DRC11: variants seen among roughly 807,000 people sequenced by gnomAD.
The protein encoded by DRC11 is IQ and AAA domain-containing protein 1.
chr2:236,463,578 A>G, the DRC11 span, among the ~76,000 whole-genome samples: 1 of 152,214 alleles, frequency 6.6e-6, no homozygotes, highest in Admixed American at 6.5e-5. The surrounding 1 kb of genome is among the most constrained non-coding windows in gnomAD (Gnocchi z 5.0). Flanking sequence ...TTCGTAAAGA[A>G]ACTTTGATAT....
At chr2:236,465,512 C>A in the DRC11 span, 1 of 1,612,582 alleles carries the variant, frequency 6.2e-7, no homozygotes. This position sits in a 1 kb window ranked among gnomAD's most constrained non-coding sequence, Gnocchi z 6.2. Context: ...CACCTGCATT[C>A]GATGAACCAA....
chr2:236,380,014 T>G, the DRC11 span, among the ~76,000 whole-genome samples: 1 of 152,412 alleles, frequency 6.6e-6, no homozygotes, highest in East Asian at 1.9e-4. This position sits in a 1 kb window ranked among gnomAD's most constrained non-coding sequence, Gnocchi z 4.9. Context: ...ATTAAATTCC[T>G]TGATAATATT....
chr2:236,451,508 C>A, the DRC11 span, among the ~76,000 whole-genome samples: 1 of 152,250 alleles, frequency 6.6e-6, no homozygotes, highest in African/African-American at 2.4e-5. Flanking sequence ...ACATAAAAAT[C>A]TCTGTCTTAA....
chr2:236,456,898 G>A, the DRC11 span, among the ~76,000 whole-genome samples: 1 of 152,190 alleles, frequency 6.6e-6, no homozygotes, highest in Non-Finnish European at 1.5e-5. This position sits in a 1 kb window ranked among gnomAD's most constrained non-coding sequence, Gnocchi z 5.4. Context: ...AGGGTCCAGA[G>A]ATGACAGCCA....
the DRC11 span, chr2:236,364,018 A>G: frequency 6.4e-7 from 1 of 1,561,312 alleles, no homozygotes; most frequent in Non-Finnish European, 8.8e-7. Context: ...TGTTCTGCCA[A>G]GAAAATCAGT....
the DRC11 span, among the ~76,000 whole-genome samples, chr2:236,323,459 C>T: frequency 9.8e-5 from 15 of 152,306 alleles, no homozygotes; most frequent in South Asian, 2.5e-3. The surrounding 1 kb of genome is among the most constrained non-coding windows in gnomAD (Gnocchi z 6.4). Context: ...AGGATGACTT[C>T]GTGGGGAGTG....
chr2:236,383,168 T>C, the DRC11 span, among the ~76,000 whole-genome samples: 4 of 152,188 alleles, frequency 2.6e-5, no homozygotes, highest in Non-Finnish European at 2.9e-5. Flanking sequence ...TTCTTCTAGA[T>C]TTGGTCTTGG....
At chr2:236,408,292 C>G in the DRC11 span, 1 of 826,468 alleles carries the variant, frequency 1.2e-6, no homozygotes, top group Non-Finnish European at 2.1e-6. This position sits in a 1 kb window ranked among gnomAD's most constrained non-coding sequence, Gnocchi z 5.5. Flanking sequence ...GAAGGCCACA[C>G]AGGCAGGATG....
chr2:236,354,626 A>C, the DRC11 span, among the ~76,000 whole-genome samples: 2 of 152,042 alleles, frequency 1.3e-5, no homozygotes, highest in African/African-American at 4.8e-5. Flanking sequence ...CCCCACCCCG[A>C]GTGTTTCTGG....
At chr2:236,327,107 A>G in the DRC11 span, among the ~76,000 whole-genome samples, 65 of 152,132 alleles carry the variant, frequency 4.3e-4, 2 homozygotes, top group African/African-American at 1.4e-3. Context: ...AGCTGCTTCT[A>G]TAAGATCCTC....
chr2:236,490,635 T>C, the DRC11 span, among the ~76,000 whole-genome samples: 2 of 152,052 alleles, frequency 1.3e-5, no homozygotes, highest in African/African-American at 4.8e-5. The surrounding 1 kb of genome is among the most constrained non-coding windows in gnomAD (Gnocchi z 5.5). Flanking sequence ...CTGAAAATAG[T>C]CGTGGCCATT....
At chr2:236,419,550 C>A in the DRC11 span, among the ~76,000 whole-genome samples, 2 of 152,166 alleles carry the variant, frequency 1.3e-5, no homozygotes, top group Non-Finnish European at 2.9e-5. The surrounding 1 kb of genome is among the most constrained non-coding windows in gnomAD (Gnocchi z 4.8). Context: ...CACTCCAGCT[C>A]CTGGAGGTTC....
chr2:236,453,112 C>T, the DRC11 span, among the ~76,000 whole-genome samples: 2 of 152,158 alleles, frequency 1.3e-5, no homozygotes, highest in Admixed American at 6.5e-5. This position sits in a 1 kb window ranked among gnomAD's most constrained non-coding sequence, Gnocchi z 4.9. Flanking sequence ...CCCAGCAACC[C>T]CTCCTCATTG....
At chr2:236,455,579 A>G in the DRC11 span, among the ~76,000 whole-genome samples, 3 of 152,196 alleles carry the variant, frequency 2.0e-5, no homozygotes, top group African/African-American at 7.2e-5. This position sits in a 1 kb window ranked among gnomAD's most constrained non-coding sequence, Gnocchi z 5.7. Context: ...GACAGCGAGT[A>G]TGGTCGCTCT....
the DRC11 span, among the ~76,000 whole-genome samples, chr2:236,323,222 G>A: frequency 3.9e-5 from 6 of 152,298 alleles, no homozygotes; most frequent in East Asian, 7.7e-4. This position sits in a 1 kb window ranked among gnomAD's most constrained non-coding sequence, Gnocchi z 6.4. Context: ...CCCATGACAC[G>A]TGAAAGGATC....
At chr2:236,360,318 A>G in the DRC11 span, among the ~76,000 whole-genome samples, 7 of 152,242 alleles carry the variant, frequency 4.6e-5, no homozygotes, top group Admixed American at 3.3e-4. The surrounding 1 kb of genome is among the most constrained non-coding windows in gnomAD (Gnocchi z 5.8). Flanking sequence ...CTTAACAGTA[A>G]AATGGGTATA....
the DRC11 span, among the ~76,000 whole-genome samples, chr2:236,386,624 C>A: frequency 2.0e-5 from 3 of 152,018 alleles, no homozygotes; most frequent in Admixed American, 6.6e-5. Flanking sequence ...CTCCTGGATT[C>A]GTTAATTTTT....
the DRC11 span, among the ~76,000 whole-genome samples, chr2:236,392,736 A>G: frequency 6.6e-6 from 1 of 152,166 alleles, no homozygotes. The surrounding 1 kb of genome is among the most constrained non-coding windows in gnomAD (Gnocchi z 5.1). Flanking sequence ...TTTTTCTTCA[A>G]ATGATTCACT....
At chr2:236,319,276 G>A in the DRC11 span, among the ~76,000 whole-genome samples, 210 of 152,240 alleles carry the variant, frequency 1.4e-3, 1 homozygote, top group African/African-American at 4.7e-3. The surrounding 1 kb of genome is among the most constrained non-coding windows in gnomAD (Gnocchi z 6.7). Context: ...GCATTGTGCC[G>A]TGTACACGGC....
Sources: allele counts gnomAD v4.1 joint callset (sites outside exome capture counted in the v4.1 genomes callset), GRCh38; gene constraint gnomAD v4.1.1; non-coding constraint Gnocchi (gnomAD v3.1); transcripts MANE v1.5; gene names NCBI Gene and HGNC (gene_info 2026-07-23, HGNC 2026-07-21).